SVEP1: variants seen among roughly 807,000 people sequenced by gnomAD.
SVEP1 encodes the protein sushi, von Willebrand factor type A, EGF and pentraxin domain-containing protein 1.
A neutral mutation model predicts 367.3 loss-of-function variants in SVEP1; 164 were observed. The observed-to-expected ratio is 0.45, with a 90% CI of 0.39 to 0.51. The LOEUF (loss-of-function observed/expected upper bound fraction) is 0.51. Ranked by LOEUF, SVEP1 falls within the 20% of genes least tolerant of loss-of-function variation. The pLI, the probability that SVEP1 is intolerant of heterozygous loss-of-function variation, is 0.00. For synonymous variants in SVEP1, 1,666 were observed against 1,611.6 expected (o/e 1.03, Z -0.81); for missense variants, 4,117 against 4,425.3 (o/e 0.93, Z 1.98).
intron 3 of SVEP1, among the ~76,000 whole-genome samples, chr9:110,528,927 T>A (rs1218746838): frequency 6.6e-6 from 1 of 151,984 alleles, no homozygotes; most frequent in Non-Finnish European, 1.5e-5. Flanking sequence ...GCTTTTGGAG[T>A]CTTAGTCACA....
At chr9:110,493,671 G>A (rs1436272076) in intron 8 of SVEP1, among the ~76,000 whole-genome samples, 1 of 152,190 alleles carries the variant, frequency 6.6e-6, no homozygotes, top group Non-Finnish European at 1.5e-5. Context: ...GGTGGAGGCT[G>A]CAGTGAGCCG....
At chr9:110,466,777 A>AAAAAAAAAAAAT (rs1828945007) in intron 17 of SVEP1, among the ~76,000 whole-genome samples, 1 of 146,156 alleles carries the variant, frequency 6.8e-6, no homozygotes, top group South Asian at 2.2e-4. Flanking sequence ...AAAAAAAAAA[A>AAAAAAAAAAAAT]AGAACTGGCT....
rs770393458 is a variant in SVEP1 at position 110,499,188 on chromosome 9, G to A, written c.1534C>T (p.His512Tyr). ...QMPKDVIISP[H>Y]NCGKQPAKFG... The stretch of plus-strand genomic sequence containing the variant: ...TTGGCTGGCTGCTTGCCACAGTTGT[G>A]GGGGGATATGATGACATCTTTGGGC... The change falls in exon 7 of 48, where the codon CAC (histidine) becomes TAC (tyrosine). Residue 512 changes from histidine (H) to tyrosine (Y), a missense_variant. Physicochemically the swap from His to Tyr is moderately conservative, Grantham distance 83. This residue lies in a region of SVEP1 where 2,174 missense variants were observed against 2,494.3 expected (regional missense o/e 0.87). Coordinates refer to ENST00000374469, the MANE Select transcript of SVEP1 (RefSeq NM_153366.4). The A allele has an allele frequency of 5.0e-6, 8 of 1,613,322 alleles. No homozygotes were observed. In the Admixed American group the frequency reaches 1.3e-4, roughly 27 times the overall value.
In SVEP1 at chr9:110,549,843, C is replaced by T; in HGVS notation, c.787+6G>A. ...TACCTTTGTGATGCCATTAGGTTTCCATTACCTTCATGCAATGCCCGGCGA... is the reference window on the plus strand; with the variant it reads ...TACCTTTGTGATGCCATTAGGTTTCTATTACCTTCATGCAATGCCCGGCGA... On this transcript the variant is annotated splice_donor_region_variant and intron_variant, in intron 2 of 47. Transcript: ENST00000374469. 1 of 1,613,318 alleles carries T rather than the reference C, an allele frequency of 6.2e-7. No individual in the cohort carries two copies. Among genetic ancestry groups the T allele is most frequent in the African/African-American group, 1.3e-5 (1 of 75,020 alleles).
chr9:110,545,923 C>A (rs1830214794), intron 3 of SVEP1, among the ~76,000 whole-genome samples, 192 bp downstream of exon 3: 1 of 152,188 alleles, frequency 6.6e-6, no homozygotes, highest in Admixed American at 6.5e-5. Context: ...CAGCTGAGAT[C>A]AGCCAGCAGC....
At chr9:110,537,555 GA>G (rs1446998317) in intron 3 of SVEP1, among the ~76,000 whole-genome samples, 1 of 151,662 alleles carries the variant, frequency 6.6e-6, no homozygotes, top group Non-Finnish European at 1.5e-5. Flanking sequence ...GAAGGCTTTG[GA>G]AAAAAATATG....
At chr9:110,450,942 A>G (rs1828684079) in intron 23 of SVEP1, among the ~76,000 whole-genome samples, 1 of 152,178 alleles carries the variant, frequency 6.6e-6, no homozygotes, top group African/African-American at 2.4e-5. Flanking sequence ...TTTACTCTTT[A>G]GAAATTAAGC....
chr9:110,576,185 C>A (rs1171140022), intron 1 of SVEP1, among the ~76,000 whole-genome samples: 1 of 152,042 alleles, frequency 6.6e-6, no homozygotes, highest in African/African-American at 2.4e-5. Flanking sequence ...GATTTAGTTA[C>A]ACAATGTTTG....
At chr9:110,536,000 T>C (rs1830073891) in intron 3 of SVEP1, among the ~76,000 whole-genome samples, 1 of 152,092 alleles carries the variant, frequency 6.6e-6, no homozygotes, top group Admixed American at 6.6e-5. Context: ...TCCAATACTA[T>C]GTTTAATAGG....
At position 110,404,386 on chromosome 9, in the gene SVEP1, C is replaced by T. The variant is rs76449688; in HGVS notation, c.9607G>A (p.Val3203Ile). The T allele has an allele frequency of 6.2e-7, 1 of 1,613,978 alleles. No individual in the cohort carries two copies. The highest frequency in any genetic ancestry group is 8.5e-7 in the Non-Finnish European group (1 of 1,179,896). Residue 3203 changes from valine to isoleucine, a missense_variant, in exon 39 of 48, where the codon GTT becomes ATT. By Grantham distance (29) the Val-to-Ile change is conservative (BLOSUM62 3). Around this residue, in one of 4 missense-constraint regions of SVEP1, gnomAD observed 1,765 missense variants for 1,781.1 expected, o/e 0.99. Transcript: ENST00000374469. ...TACCCTTCTGCACATGACACAGAAA[C>T]TTGCCTATTCACACTGAAATCGTCC... ...HGDDFSVNRQ[V>I]SVSCAEGYTF...
chr9:110,463,623 A>G (rs558928784), intron 18 of SVEP1, among the ~76,000 whole-genome samples: 1 of 146,462 alleles, frequency 6.8e-6, no homozygotes, highest in Admixed American at 6.8e-5. Context: ...AAGGAAAGAA[A>G]GAAAGGAAGA....
chr9:110,401,622 A>T (rs1827862993), intron 39 of SVEP1, among the ~76,000 whole-genome samples: 1 of 151,456 alleles, frequency 6.6e-6, no homozygotes, highest in South Asian at 2.1e-4. Context: ...TGATTAAAAT[A>T]AAAATAACCA....
At chr9:110,474,034 C>A (rs1822750777) in intron 14 of SVEP1, among the ~76,000 whole-genome samples, 1 of 152,200 alleles carries the variant, frequency 6.6e-6, no homozygotes, top group East Asian at 1.9e-4. Context: ...GAGTTTTGCT[C>A]TTTTTGCCCA....
chr9:110,572,670 C>T (rs572847422), intron 1 of SVEP1, among the ~76,000 whole-genome samples: 2 of 151,704 alleles, frequency 1.3e-5, no homozygotes, highest in South Asian at 2.1e-4. Context: ...GAGACCAGCT[C>T]GGCCAACATG....
intron 45 of SVEP1, 185 bp downstream of exon 45, chr9:110,377,086 C>A: frequency 2.1e-6 from 1 of 465,306 alleles, no homozygotes. Context: ...ACAGTATTTT[C>A]AAAGTCATTA....
intron 40 of SVEP1, among the ~76,000 whole-genome samples, chr9:110,396,893 C>T (rs1827771616): frequency 6.6e-6 from 1 of 152,136 alleles, no homozygotes; most frequent in East Asian, 1.9e-4. Flanking sequence ...GATGGATTCA[C>T]AGCCAAATTC....
At chr9:110,372,453 C>T (rs552821306) in intron 46 of SVEP1, among the ~76,000 whole-genome samples, 3 of 152,218 alleles carry the variant, frequency 2.0e-5, no homozygotes, top group Admixed American at 6.5e-5. Context: ...TTTGGCAGAA[C>T]GAAGGCTATA....
chr9:110,366,470 C>G lies in SVEP1; in HGVS notation c.*69G>C. ...ATGTTGGACTTTCTTTGCATAAGTT[C>G]CAGGATGCCCAGGCACTACCGAGGA... On this transcript the variant is annotated 3_prime_UTR_variant, in exon 48 of 48. Transcript: ENST00000374469. The G allele has an allele frequency of 6.9e-7, 1 of 1,446,670 alleles. No individual in the cohort carries two copies. The highest frequency in any genetic ancestry group is 9.1e-7 in the Non-Finnish European group (1 of 1,093,828). 89.6% of individuals were successfully genotyped at this position (1,446,670 alleles called of 1,614,324 possible). A position where few individuals can be genotyped will look rare whatever the true frequency, so the allele number is the denominator to read the frequency against.
chr9:110,542,780 G>A (rs899306362), intron 3 of SVEP1, among the ~76,000 whole-genome samples: 16 of 137,248 alleles, frequency 1.2e-4, no homozygotes, highest in East Asian at 4.4e-4. Flanking sequence ...CTGATGATGA[G>A]CATTTTTTCA....
Sources: allele counts gnomAD v4.1 joint callset (sites outside exome capture counted in the v4.1 genomes callset), GRCh38; gene constraint gnomAD v4.1.1; regional missense constraint gnomAD v4.1.1; transcripts MANE v1.5; gene names NCBI Gene and HGNC (gene_info 2026-07-23, HGNC 2026-07-21).